Variants in GPN1 observed in about 807,000 individuals in gnomAD.
GPN1 encodes GPN-loop GTPase 1, also known as ATP(GTP)-binding protein.
In GPN1, 44 loss-of-function variants were observed where a neutral mutation model predicts 55.9. That is an observed-to-expected ratio of 0.79 (90% CI 0.62 to 1.01). The LOEUF is 1.01. GPN1 is among the 50% of genes least tolerant of loss of function. The pLI is 0.00. For missense variants in GPN1, 466 were observed against 462.8 expected (o/e 1.01, Z -0.06); for synonymous variants, 179 against 162.5 (o/e 1.10, Z -0.77).
intron 8 of GPN1, 88 bp downstream of exon 8, chr2:27,638,343 G>T: frequency 2.7e-6 from 2 of 748,738 alleles, no homozygotes; most frequent in East Asian, 2.6e-5. Context: ...GATTATTTCA[G>T]ATGCTGGAGA....
intron 12 of GPN1, among the ~76,000 whole-genome samples, chr2:27,647,091 A>G (rs1188904326): frequency 1.3e-5 from 2 of 152,184 alleles, no homozygotes; most frequent in African/African-American, 2.4e-5. Flanking sequence ...TACTGTCAGC[A>G]TGTCCTGTCA....
chr2:27,631,139 G>T (rs368581333), intron 3 of GPN1, 73 bp downstream of exon 3: 1 of 804,346 alleles, frequency 1.2e-6, no homozygotes, highest in Non-Finnish European at 2.2e-6. Flanking sequence ...GCTTGAAAGA[G>T]TGTTTTTGCC....
In GPN1 at chr2:27,643,967, T is replaced by C. The variant is rs1558491376; in HGVS notation, c.931+1448T>C. Among the ~76,000 whole-genome samples, 1 of 152,164 alleles carries C rather than the reference T, an allele frequency of 6.6e-6. No homozygotes were observed. The highest frequency in any genetic ancestry group is 1.5e-5 in the Non-Finnish European group (1 of 68,016). Reference sequence around the variant, plus strand: ...GCCGAGGCGGGTGGATCACTTGAGGTCAGGAATTCGAGACCAGCCTGGCCA... The same window carrying C: ...GCCGAGGCGGGTGGATCACTTGAGGCCAGGAATTCGAGACCAGCCTGGCCA... On this transcript the variant is annotated intron_variant, in intron 12 of 13. Coordinates refer to ENST00000610189, the MANE Select transcript of GPN1 (RefSeq NM_007266.4). This position sits in a 1 kb window ranked among gnomAD's most constrained non-coding sequence, Gnocchi z 4.0.
rs769830722 is a variant in GPN1 at position 27,641,262 on chromosome 2, C to G, written c.823C>G (p.Arg275Gly). Residue 275 changes from arginine to glycine, a missense_variant, in exon 11 of 14, where the codon CGT (arginine) becomes GGT (glycine). By Grantham distance (125) the Arg-to-Gly change is moderately radical. Coordinates refer to ENST00000610189, the MANE Select transcript of GPN1 (RefSeq NM_007266.4). Reference sequence around the variant, plus strand: ...CAGGGAGTATCGTCCTGAATATGAACGTCTGAAAAAATCACTGGTAAGAAG... The same window carrying G: ...CAGGGAGTATCGTCCTGAATATGAAGGTCTGAAAAAATCACTGGTAAGAAG... ...YEREYRPEYE[R>G]LKKSLANAES... 6.2e-7 allele frequency: 1 copy of G among 1,608,236 alleles called. No homozygotes were observed. The highest frequency in any genetic ancestry group is 1.7e-5 in the Admixed American group (1 of 59,822).
At chr2:27,629,825 G>A in intron 1 of GPN1, 34 bp from the exon 2 acceptor site, 3 of 1,157,796 alleles carry the variant, frequency 2.6e-6, no homozygotes, top group Non-Finnish European at 3.9e-6. Flanking sequence ...TCCCCTCTTT[G>A]TCTCCTTCCA....
At chr2:27,645,890 G>A (rs547819460) in intron 12 of GPN1, among the ~76,000 whole-genome samples, 58 of 151,064 alleles carry the variant, frequency 3.8e-4, no homozygotes, top group Non-Finnish European at 6.8e-4. Flanking sequence ...CCACCATGCC[G>A]GGCTAAATTT....
At chr2:27,634,276 A>T (rs1558486875) in intron 5 of GPN1, among the ~76,000 whole-genome samples, 1 of 152,236 alleles carries the variant, frequency 6.6e-6, no homozygotes, top group Admixed American at 6.5e-5. Flanking sequence ...TATCAAATTA[A>T]TTCACAAAAA....
chr2:27,630,990 GT>G, intron 2 of GPN1, 36 bp from the exon 3 acceptor site: 1 of 960,470 alleles, frequency 1.0e-6, no homozygotes, highest in Non-Finnish European at 1.7e-6. Flanking sequence ...GAATGTGTAT[GT>G]ATTACATTCC....
Position 27,647,919 on chromosome 2 carries a change from G to C in GPN1, c.1015G>C (p.Asp339His). 1 of 1,610,310 alleles carries C rather than the reference G, an allele frequency of 6.2e-7. No homozygotes were observed. Among genetic ancestry groups the C allele is most frequent in the African/African-American group, 1.3e-5 (1 of 74,970 alleles). ...LDEEDEEADS[D>H]TDDIDHRVTE... is the part of the protein sequence containing the mutation. ...TGAAGAGGATGAGGAAGCAGACAGCGATACTGATGACATTGACCACAGAGG... is the reference window on the plus strand; with the variant it reads ...TGAAGAGGATGAGGAAGCAGACAGCCATACTGATGACATTGACCACAGAGG... Residue 339 changes from aspartate to histidine, a missense_variant, in exon 13 of 14, where the codon GAT becomes CAT. Coordinates refer to ENST00000610189, the MANE Select transcript of GPN1 (RefSeq NM_007266.4).
chr2:27,628,785 A>T, upstream of GPN1: 1 of 1,521,362 alleles, frequency 6.6e-7, no homozygotes, highest in South Asian at 1.2e-5. Flanking sequence ...TTCCTCCGGG[A>T]GACAAAAGCC....
At chr2:27,628,650 A>G (rs1357349965), upstream of GPN1, 1 of 1,551,560 alleles carries the variant, frequency 6.4e-7, no homozygotes, top group Non-Finnish European at 8.7e-7. Context: ...CGGCTACCGA[A>G]TAAGCCCGAG....
chr2:27,636,480 A>T (rs76323988), intron 7 of GPN1, among the ~76,000 whole-genome samples: 4,815 of 152,082 alleles, frequency 0.032, 233 homozygotes, highest in African/African-American at 0.11. Context: ...TTTCATATTA[A>T]TTATTTATTT....
chr2:27,630,853 A>G lies in GPN1; in HGVS notation c.206-174A>G, dbSNP rs1470374999. On this transcript the variant is annotated intron_variant, in intron 2 of 13. Transcript: ENST00000610189. ...CACAACTTTAGAGCTCCTAGCCCTA[A>G]CATTCTTCATGATTTACTTGGCATT... is the stretch of plus-strand genomic sequence containing the variant. 2.0e-5 allele frequency among the ~76,000 whole-genome samples: 3 copies of G among 152,174 alleles called. No individual in the cohort carries two copies. In the East Asian group the frequency reaches 5.8e-4, roughly 29 times the overall value.
chr2:27,642,314 A>C (rs1231401778), intron 11 of GPN1, 115 bp from the exon 12 acceptor site: 1 of 679,838 alleles, frequency 1.5e-6, no homozygotes, highest in Admixed American at 2.4e-5. Context: ...CCTTATCTGC[A>C]TCAGTTTTTA....
intron 5 of GPN1, among the ~76,000 whole-genome samples, chr2:27,633,841 A>T (rs917957551): frequency 1.3e-5 from 2 of 151,118 alleles, no homozygotes; most frequent in Non-Finnish European, 2.9e-5. Flanking sequence ...CATAAAGTTC[A>T]CTCGTTTAAA....
At chr2:27,636,204 A>G (rs1673725335) in intron 7 of GPN1, among the ~76,000 whole-genome samples, 1 of 152,178 alleles carries the variant, frequency 6.6e-6, no homozygotes, top group African/African-American at 2.4e-5. Flanking sequence ...CAACAGAGTG[A>G]GACCCTGTCT....
chr2:27,630,394 T>G (rs1381954859), intron 2 of GPN1, among the ~76,000 whole-genome samples: 2 of 143,484 alleles, frequency 1.4e-5, no homozygotes, highest in East Asian at 2.5e-4. Flanking sequence ...AGGTTTTTTT[T>G]TTTTTTTTTT....
rs1461280214 is a variant in GPN1, at chr2:27,630,422, T to C, written c.205+470T>C. On this transcript the variant is annotated intron_variant, in intron 2 of 13. Coordinates refer to ENST00000610189, the MANE Select transcript of GPN1 (RefSeq NM_007266.4). ...TTTTTTTTTTTTTTTAGACAGAGTC[T>C]CTGTCACCCAGGCCAGAGTGCAGTG... is the stretch of plus-strand genomic sequence containing the variant. Among the ~76,000 whole-genome samples the C allele has an allele frequency of 2.1e-5, 3 of 139,992 alleles. No homozygotes were observed. In the East Asian group the frequency reaches 6.5e-4, roughly 30 times the overall value. 91.8% of individuals were successfully genotyped at this position (139,992 alleles called of 152,430 possible). A position where few individuals can be genotyped will look rare whatever the true frequency, so the allele number is the denominator to read the frequency against.
rs901790537 is a variant in GPN1 at position 27,651,059 on chromosome 2, C to G, written c.*859C>G. Reference sequence around the variant, plus strand: ...TTGTACTCTGAACTTAATGCAAAGTCTCCTTGGTGATTTTCGCAAAGTCCG... The same window carrying G: ...TTGTACTCTGAACTTAATGCAAAGTGTCCTTGGTGATTTTCGCAAAGTCCG... On this transcript the variant is annotated 3_prime_UTR_variant, in exon 14 of 14. Coordinates refer to ENST00000610189, the MANE Select transcript of GPN1 (RefSeq NM_007266.4). 6.6e-6 allele frequency: 1 copy of G among 152,354 alleles called. No individual in the cohort carries two copies. The highest frequency in any genetic ancestry group is 1.5e-5 in the Non-Finnish European group (1 of 68,046). 9.4% of individuals were successfully genotyped at this position (152,354 alleles called of 1,614,324 possible).
Sources: gnomAD v4.1 joint callset for allele counts (sites outside exome capture counted in the v4.1 genomes callset) on GRCh38, gnomAD v4.1.1 for gene constraint, Gnocchi (gnomAD v3.1) non-coding constraint, MANE v1.5 for transcripts, NCBI Gene and HGNC (gene_info 2026-07-23, HGNC 2026-07-21) for gene names.